DTWD2: variants seen among roughly 807,000 people sequenced by gnomAD.
DTWD2 encodes the protein tRNA-uridine aminocarboxypropyltransferase 2.
In DTWD2, 39 loss-of-function variants were observed where a neutral mutation model predicts 31.8. That is an observed-to-expected ratio of 1.22 (90% CI 0.95 to 1.60). The LOEUF (loss-of-function observed/expected upper bound fraction) is 1.60. Among genes scored for constraint, DTWD2 ranks in the 40% most tolerant of loss-of-function variants. DTWD2 has a pLI of 0.00. For synonymous variants in DTWD2, 180 were observed against 142.8 expected (o/e 1.26, Z -1.86); for missense variants, 515 against 381.5 (o/e 1.35, Z -2.92).
Position 118,970,018 on chromosome 5 carries a change from T to G in DTWD2, c.218+18276A>C, listed in dbSNP as rs1203436284. Among the ~76,000 whole-genome samples, 3 of 151,920 alleles carry G rather than the reference T, an allele frequency of 2.0e-5. No homozygotes were observed. The East Asian group carries it at 5.8e-4, about 29-fold the overall frequency. ...CCTGATGGAGCTGAAAAACACAATATAAGAAATTCACAATGCAATCACAAG... is the reference window on the plus strand; with the variant it reads ...CCTGATGGAGCTGAAAAACACAATAGAAGAAATTCACAATGCAATCACAAG... On this transcript the variant is annotated intron_variant, in intron 1 of 5. Transcript: ENST00000510708.
intron 4 of DTWD2, among the ~76,000 whole-genome samples, chr5:118,914,984 T>C (rs756243410): frequency 6.6e-6 from 1 of 152,154 alleles, no homozygotes; most frequent in Non-Finnish European, 1.5e-5. Context: ...CCCAGCACTG[T>C]GGGAGGCTAA....
rs556628253 is a variant in DTWD2, at chr5:118,838,189, C to T, written c.*2728G>A. On this transcript the variant is annotated 3_prime_UTR_variant, in exon 6 of 6. Transcript: ENST00000510708. Reference sequence around the variant, plus strand: ...TCATGTGTGCAAGAAACTCTCAATACCTCTCATTACACGCAGTGATTTTCA... The same window carrying T: ...TCATGTGTGCAAGAAACTCTCAATATCTCTCATTACACGCAGTGATTTTCA... 1 of 152,252 alleles carries T rather than the reference C, an allele frequency of 6.6e-6. No homozygotes were observed. Among genetic ancestry groups the T allele is most frequent in the African/African-American group, 2.4e-5 (1 of 41,552 alleles). The allele number at this position is 152,252 out of a possible 1,614,324, so 9.4% of individuals were successfully genotyped here. A position where few individuals can be genotyped will look rare whatever the true frequency, so the allele number is the denominator to read the frequency against.
At position 118,988,396 on chromosome 5, in the gene DTWD2, G is replaced by A; in HGVS notation, c.116C>T (p.Ala39Val). The A allele has an allele frequency of 1.3e-6, 2 of 1,594,640 alleles. No individual in the cohort carries two copies. The highest frequency in any genetic ancestry group is 1.1e-5 in the South Asian group (1 of 88,690). ...CGCCTCTGCGCCCAGGGCAGCCGCC[G>A]CCGGCACTGCGCCGCCCTCCCGCCG... ...KERREGGAVP[A>V]AAALGAEADD... Residue 39 changes from alanine (A) to valine (V), a missense_variant, in exon 1 of 6, where the codon GCG becomes GTG. Coordinates refer to ENST00000510708, the MANE Select transcript of DTWD2 (RefSeq NM_173666.4).
chr5:118,936,820 G>T (rs1259388670), intron 3 of DTWD2, among the ~76,000 whole-genome samples: 6 of 151,946 alleles, frequency 3.9e-5, no homozygotes, highest in African/African-American at 1.5e-4. Flanking sequence ...GCCAAATCTT[G>T]ATTCTTTAAA....
chr5:118,960,676 C>T (rs551133133), intron 1 of DTWD2, among the ~76,000 whole-genome samples: 5 of 152,130 alleles, frequency 3.3e-5, no homozygotes, highest in African/African-American at 1.2e-4. Flanking sequence ...TGTAATTAAC[C>T]TAAATGAGCA....
chr5:118,972,447 A>G lies in DTWD2; in HGVS notation c.218+15847T>C, dbSNP rs149596714. ...AAGAAATTGAGTACTTGAATAGACCAACAATGAGTTCTGAAACCAAGGCAG... is the reference window on the plus strand; with the variant it reads ...AAGAAATTGAGTACTTGAATAGACCGACAATGAGTTCTGAAACCAAGGCAG... On this transcript the variant is annotated intron_variant, in intron 1 of 5. Coordinates refer to ENST00000510708, the MANE Select transcript of DTWD2 (RefSeq NM_173666.4). Among the ~76,000 whole-genome samples, 324 of 152,340 alleles carry G rather than the reference A, an allele frequency of 2.1e-3. 1 individual carries two copies. The highest frequency in any genetic ancestry group is 7.2e-3 in the African/African-American group (299 of 41,578).
At chr5:118,916,161 T>C (rs1422819534) in intron 4 of DTWD2, among the ~76,000 whole-genome samples, 3 of 152,200 alleles carry the variant, frequency 2.0e-5, no homozygotes, top group Non-Finnish European at 4.4e-5. Context: ...ACCCACAGTA[T>C]GAAGACTGTT....
intron 4 of DTWD2, among the ~76,000 whole-genome samples, chr5:118,861,992 C>T (rs548460425): frequency 1.3e-5 from 2 of 152,272 alleles, no homozygotes; most frequent in South Asian, 2.1e-4. Flanking sequence ...GGCCATGGAC[C>T]GGTACCGTTC....
chr5:118,853,146 C>T (rs1752049843), intron 4 of DTWD2, among the ~76,000 whole-genome samples: 1 of 152,156 alleles, frequency 6.6e-6, no homozygotes, highest in Non-Finnish European at 1.5e-5. Context: ...ATCATTCATA[C>T]CCTAAACCTC....
In DTWD2 at chr5:118,836,584, A is replaced by C. The variant is rs1751574499; in HGVS notation, c.*4333T>G. Among the ~76,000 whole-genome samples, 1 of 152,146 alleles carries C rather than the reference A, an allele frequency of 6.6e-6. No individual in the cohort carries two copies. Among genetic ancestry groups the C allele is most frequent in the African/African-American group, 2.4e-5 (1 of 41,418 alleles). On this transcript the variant is annotated 3_prime_UTR_variant, in exon 6 of 6. Coordinates refer to ENST00000510708, the MANE Select transcript of DTWD2 (RefSeq NM_173666.4). ...TGAAAAACAATTACTTATTTCTCTA[A>C]TATGCTTTTTAGTAGAGTACAGGAG...
At chr5:118,928,127 A>G (rs1002043638) in intron 4 of DTWD2, among the ~76,000 whole-genome samples, 1 of 152,108 alleles carries the variant, frequency 6.6e-6, no homozygotes. Flanking sequence ...AGTATTTAAT[A>G]AAAACTTAGT....
chr5:118,945,098 C>G (rs535835493), intron 1 of DTWD2, among the ~76,000 whole-genome samples: 30 of 152,280 alleles, frequency 2.0e-4, no homozygotes, highest in African/African-American at 7.2e-4. Flanking sequence ...ACTAATCAAA[C>G]TTAGCCATCA....
At chr5:118,842,495 A>T (rs981816336) in intron 5 of DTWD2, among the ~76,000 whole-genome samples, 2 of 152,232 alleles carry the variant, frequency 1.3e-5, no homozygotes, top group African/African-American at 4.8e-5. Flanking sequence ...ATGGACAGAA[A>T]GAAAAGAAAA....
At chr5:118,935,907 T>C (rs1754034935) in intron 3 of DTWD2, among the ~76,000 whole-genome samples, 1 of 152,226 alleles carries the variant, frequency 6.6e-6, no homozygotes, top group Non-Finnish European at 1.5e-5. Context: ...ATTGATAGTT[T>C]GTGTAACACT....
At chr5:118,873,984 C>T (rs1423747086) in intron 4 of DTWD2, among the ~76,000 whole-genome samples, 3 of 152,148 alleles carry the variant, frequency 2.0e-5, no homozygotes, top group Admixed American at 1.3e-4. Context: ...CAGCTTGGAC[C>T]CCCAAGTGCA....
chr5:118,865,344 C>T (rs1469250269), intron 4 of DTWD2, among the ~76,000 whole-genome samples: 1 of 152,034 alleles, frequency 6.6e-6, no homozygotes, highest in Admixed American at 6.5e-5. Context: ...ACTCAAGAAA[C>T]ACTGCTTTGG....
chr5:118,885,020 T>C (rs866588179), intron 4 of DTWD2, among the ~76,000 whole-genome samples: 129 of 80,506 alleles, frequency 1.6e-3, no homozygotes, highest in Admixed American at 3.1e-3. Flanking sequence ...AAAAAAAAAA[T>C]CGTCCAGGTT....
chr5:118,877,586 G>C (rs745330242), intron 4 of DTWD2, among the ~76,000 whole-genome samples: 45 of 152,142 alleles, frequency 3.0e-4, no homozygotes, highest in Non-Finnish European at 5.9e-4. Context: ...ACATCATACT[G>C]AATGGGCAAA....
rs1379517632 is a variant in DTWD2, at chr5:118,857,492, T to A, written c.598-9274A>T. On this transcript the variant is annotated intron_variant, in intron 4 of 5. Transcript: ENST00000510708. ...TTTGTGAAATGGCTGTTTAAGTCTT[T>A]TACCCATTTTACAAAAATTGGGCTG... 4.6e-5 allele frequency among the ~76,000 whole-genome samples: 7 copies of A among 152,226 alleles called. No homozygotes were observed. The East Asian group carries it at 1.3e-3, about 29-fold the overall frequency.
Sources: gnomAD v4.1 joint callset for allele counts (sites outside exome capture counted in the v4.1 genomes callset) on GRCh38, gnomAD v4.1.1 for gene constraint, MANE v1.5 for transcripts, NCBI Gene and HGNC (gene_info 2026-07-23, HGNC 2026-07-21) for gene names.